Variants in ANTXR1 observed in about 807,000 individuals in gnomAD.
ANTXR1 encodes ANTXR cell adhesion molecule 1, also known as anthrax toxin receptor 1.
ANTXR1 carries 19 observed loss-of-function variants against 78.1 expected under a neutral mutation model. The ratio of observed to expected loss-of-function variants is 0.24; its 90% CI spans 0.17 to 0.36. The LOEUF is 0.36. ANTXR1 is among the 10% of genes least tolerant of loss of function. The probability of loss-of-function intolerance (pLI) is 1.00; values close to 1 mark genes in which losing one functional copy is unlikely to be tolerated. For missense variants in ANTXR1, 518 were observed against 718.6 expected (o/e 0.72, Z 3.19); for synonymous variants, 273 against 260.5 (o/e 1.05, Z -0.46).
intron 17 of ANTXR1, among the ~76,000 whole-genome samples, chr2:69,225,812 T>C (rs1675437013): frequency 6.6e-6 from 1 of 152,200 alleles, no homozygotes; most frequent in Non-Finnish European, 1.5e-5. Flanking sequence ...TTGGGTGCTA[T>C]TCCAGAGCTT....
chr2:69,019,250 A>G (rs1671112484), intron 1 of ANTXR1, among the ~76,000 whole-genome samples: 2 of 152,174 alleles, frequency 1.3e-5, no homozygotes, highest in Admixed American at 6.5e-5. Context: ...GATATTTTTT[A>G]TATTTTTGGA....
chr2:69,163,523 C>T (rs1245887796), intron 13 of ANTXR1, among the ~76,000 whole-genome samples: 1 of 152,058 alleles, frequency 6.6e-6, no homozygotes, highest in Non-Finnish European at 1.5e-5. Context: ...TTCTTTATGC[C>T]CATTGCTCTC....
intron 14 of ANTXR1, among the ~76,000 whole-genome samples, chr2:69,172,070 G>A (rs748123238): frequency 8.5e-5 from 13 of 152,210 alleles, no homozygotes; most frequent in Non-Finnish European, 1.5e-4. Context: ...TACTTGGTCA[G>A]ACGTGAGCTG....
intron 17 of ANTXR1, among the ~76,000 whole-genome samples, chr2:69,226,835 CATAT>C (rs778889188): frequency 7.9e-5 from 12 of 152,258 alleles, no homozygotes; most frequent in Non-Finnish European, 1.5e-4. Flanking sequence ...AAAGATTTAA[CATAT>C]ATATTTTTTT....
At chr2:69,065,620 A>G (rs1433153045) in intron 3 of ANTXR1, among the ~76,000 whole-genome samples, 3 of 152,178 alleles carry the variant, frequency 2.0e-5, no homozygotes, top group Non-Finnish European at 4.4e-5. Context: ...ACTGTGTATA[A>G]ATTGTATTTC....
At chr2:69,236,236 A>C (rs537285527) in intron 17 of ANTXR1, among the ~76,000 whole-genome samples, 1 of 152,346 alleles carries the variant, frequency 6.6e-6, no homozygotes, top group East Asian at 1.9e-4. Flanking sequence ...TCAAAACCTC[A>C]GTAAAAGTGG....
At chr2:69,195,682 G>A (rs893644943) in intron 17 of ANTXR1, among the ~76,000 whole-genome samples, 1 of 152,162 alleles carries the variant, frequency 6.6e-6, no homozygotes, top group Non-Finnish European at 1.5e-5. Flanking sequence ...TCTGGGAGGT[G>A]TTTGGTCTTA....
chr2:69,135,322 A>G (rs1197210367), intron 12 of ANTXR1, among the ~76,000 whole-genome samples: 1 of 152,138 alleles, frequency 6.6e-6, no homozygotes, highest in Non-Finnish European at 1.5e-5. Context: ...ATTTTTCTGA[A>G]TCTATACTTT....
chr2:69,118,262 A>AAAAAAAAAG (rs1672218008), intron 10 of ANTXR1, among the ~76,000 whole-genome samples: 1 of 145,946 alleles, frequency 6.9e-6, no homozygotes, highest in African/African-American at 2.6e-5. Context: ...AAAAAAAAAA[A>AAAAAAAAAG]TTTAATTAGC....
At chr2:69,101,036 T>G (rs1020804780) in intron 9 of ANTXR1, among the ~76,000 whole-genome samples, 14 of 152,350 alleles carry the variant, frequency 9.2e-5, no homozygotes, top group African/African-American at 3.1e-4. Context: ...ATGACATGAC[T>G]CTGAGCAAGT....
chr2:69,139,370 C>T (rs889213869), intron 12 of ANTXR1, among the ~76,000 whole-genome samples: 5 of 152,194 alleles, frequency 3.3e-5, no homozygotes, highest in South Asian at 4.1e-4. Flanking sequence ...TTCACCAGTA[C>T]GGCTCTCCAG....
Position 69,228,375 on chromosome 2 carries a change from C to T in ANTXR1, c.1435-16850C>T, listed in dbSNP as rs187355234. On this transcript the variant is annotated intron_variant, in intron 17 of 17. Coordinates refer to ENST00000303714, the MANE Select transcript of ANTXR1 (RefSeq NM_032208.3). ...AATGGGTAATATTACTGGTGGCCAA[C>T]TCTTTTCATGGCTATGCTTCTTGAT... is the stretch of plus-strand genomic sequence containing the variant. Among the ~76,000 whole-genome samples the T allele has an allele frequency of 3.2e-3, 490 of 152,304 alleles. 2 individuals carry two copies. The highest frequency in any genetic ancestry group is 4.2e-3 in the Non-Finnish European group (286 of 68,020).
chr2:69,080,641 G>T (rs943057508), intron 8 of ANTXR1, among the ~76,000 whole-genome samples: 1 of 152,194 alleles, frequency 6.6e-6, no homozygotes, highest in Non-Finnish European at 1.5e-5. Context: ...AATCCAGTGG[G>T]AGAGACACAT....
At chr2:69,150,790 A>C (rs1176866301) in intron 12 of ANTXR1, among the ~76,000 whole-genome samples, 3 of 152,134 alleles carry the variant, frequency 2.0e-5, no homozygotes, top group Non-Finnish European at 2.9e-5. Flanking sequence ...AGGCCAAGGC[A>C]GAAGAATCAC....
intron 3 of ANTXR1, among the ~76,000 whole-genome samples, chr2:69,049,935 A>G (rs1004211908): frequency 1.3e-4 from 20 of 152,178 alleles, no homozygotes; most frequent in South Asian, 4.1e-4. Flanking sequence ...CCCTTTTGCC[A>G]TATCAAAATA....
At chr2:69,066,945 T>C (rs1670417402) in intron 3 of ANTXR1, among the ~76,000 whole-genome samples, 1 of 152,198 alleles carries the variant, frequency 6.6e-6, no homozygotes, top group Non-Finnish European at 1.5e-5. Flanking sequence ...ACATTTCACT[T>C]GAAATAACCA....
chr2:69,018,024 C>A (rs542496030), intron 1 of ANTXR1, among the ~76,000 whole-genome samples: 99 of 152,178 alleles, frequency 6.5e-4, no homozygotes, highest in African/African-American at 2.3e-3. Context: ...AAGTGGCTGG[C>A]TATGTTATGT....
intron 9 of ANTXR1, among the ~76,000 whole-genome samples, chr2:69,101,378 A>G (rs1437248866): frequency 6.6e-6 from 1 of 152,228 alleles, no homozygotes; most frequent in African/African-American, 2.4e-5. Flanking sequence ...GGTGCCTAAC[A>G]GACCTCGATT....
chr2:69,233,779 A>G (rs1345815444), intron 17 of ANTXR1, among the ~76,000 whole-genome samples: 1 of 152,034 alleles, frequency 6.6e-6, no homozygotes, highest in Non-Finnish European at 1.5e-5. Context: ...TCAATGCAAT[A>G]AAACAAGAAA....
Sources: gnomAD v4.1 joint callset for allele counts (sites outside exome capture counted in the v4.1 genomes callset) on GRCh38, gnomAD v4.1.1 for gene constraint, MANE v1.5 for transcripts, NCBI Gene and HGNC (gene_info 2026-07-23, HGNC 2026-07-21) for gene names.